Variants in UBE3C observed in about 807,000 individuals in gnomAD.
UBE3C encodes ubiquitin-protein ligase E3C.
Under a neutral mutation model 129.4 loss-of-function variants are expected in UBE3C, and 42 were observed. The ratio of observed to expected loss-of-function variants is 0.32; its 90% CI spans 0.25 to 0.42. UBE3C has a LOEUF of 0.42. UBE3C is among the 10% of genes least tolerant of loss of function. The pLI, the probability that UBE3C is intolerant of heterozygous loss-of-function variation, is 1.00. For missense variants in UBE3C, 1,049 were observed against 1,319.1 expected, an observed-to-expected ratio of 0.80 and a Z score of 3.17; for synonymous variants, 510 against 492.4, an observed-to-expected ratio of 1.04 and a Z score of -0.47.
chr7:157,144,939 T>G (rs1563025979), intron 1 of UBE3C, among the ~76,000 whole-genome samples: 1 of 152,222 alleles, frequency 6.6e-6, no homozygotes, highest in Admixed American at 6.5e-5. Context: ...TATGATGACA[T>G]GTATCTACCC....
At chr7:157,196,054 C>G (rs1039559494) in intron 10 of UBE3C, among the ~76,000 whole-genome samples, 5 of 152,114 alleles carry the variant, frequency 3.3e-5, no homozygotes, top group Admixed American at 6.5e-5. Context: ...CTAATTTAAT[C>G]ATGAGTCCTG....
chr7:157,263,631 A>G (rs1032543405), intron 22 of UBE3C, among the ~76,000 whole-genome samples: 2 of 150,372 alleles, frequency 1.3e-5, no homozygotes, highest in African/African-American at 2.5e-5. Context: ...GCCATTGTAC[A>G]CCAGCCTTGT....
At chr7:157,182,053 A>T (rs187299412) in intron 7 of UBE3C, 55 bp from the exon 8 acceptor site, 4 of 1,465,194 alleles carry the variant, frequency 2.7e-6, no homozygotes, top group Middle Eastern at 2.2e-4. Context: ...TTAATCAGTG[A>T]TTGGATGGAC....
intron 11 of UBE3C, among the ~76,000 whole-genome samples, chr7:157,204,931 TCCCACAGGCACGCAATTTGAAAA>T (rs1198772407): frequency 2.6e-5 from 4 of 152,184 alleles, no homozygotes; most frequent in Non-Finnish European, 5.9e-5. Flanking sequence ...GAGGAGTGGT[TCCCACAGGCACGCAATTTGAAAA>T]CCCTTGTTCT....
chr7:157,218,334 A>G (rs1795638369), intron 14 of UBE3C, among the ~76,000 whole-genome samples: 1 of 151,976 alleles, frequency 6.6e-6, no homozygotes, highest in Admixed American at 6.5e-5. Context: ...AGTCCCAGCT[A>G]CTTGGGACTG....
intron 2 of UBE3C, among the ~76,000 whole-genome samples, chr7:157,165,938 T>G (rs993448369): frequency 6.6e-6 from 1 of 152,222 alleles, no homozygotes; most frequent in African/African-American, 2.4e-5. Flanking sequence ...GCTGCTTTTC[T>G]TTTGATGCTT....
chr7:157,149,986 C>T (rs1807713892), intron 1 of UBE3C, among the ~76,000 whole-genome samples: 1 of 152,162 alleles, frequency 6.6e-6, no homozygotes, highest in South Asian at 2.1e-4. Flanking sequence ...CCATCACCTT[C>T]GATGGTGGTC....
chr7:157,168,431 A>G (rs1040877226), intron 2 of UBE3C, among the ~76,000 whole-genome samples: 4 of 152,098 alleles, frequency 2.6e-5, no homozygotes, highest in Admixed American at 6.6e-5. Flanking sequence ...TGATAACTCT[A>G]CTTCTAGGTT....
chr7:157,241,824 G>A (rs1208579229), intron 18 of UBE3C, among the ~76,000 whole-genome samples: 1 of 152,190 alleles, frequency 6.6e-6, no homozygotes, highest in Non-Finnish European at 1.5e-5. Flanking sequence ...GACTATTACT[G>A]GGCCGTAAAA....
chr7:157,267,870 C>G lies in UBE3C; in HGVS notation c.*115C>G. 1 of 838,650 alleles carries G rather than the reference C, an allele frequency of 1.2e-6. No individual in the cohort carries two copies. Among genetic ancestry groups the G allele is most frequent in the South Asian group, 2.4e-5 (1 of 41,402 alleles). 52.0% of individuals were successfully genotyped at this position (838,650 alleles called of 1,614,324 possible). A position where few individuals can be genotyped will look rare whatever the true frequency, so the allele number is the denominator to read the frequency against. On this transcript the variant is annotated 3_prime_UTR_variant, in exon 23 of 23. Transcript: ENST00000348165. ...CGCCTGAGGCTCTCCTAAGCTCCTTCTTTCATTCTGCCATTCCTCCCTCCC... is the reference window on the plus strand; with the variant it reads ...CGCCTGAGGCTCTCCTAAGCTCCTTGTTTCATTCTGCCATTCCTCCCTCCC...
intron 18 of UBE3C, among the ~76,000 whole-genome samples, chr7:157,234,505 G>GT (rs1796104700): frequency 6.6e-6 from 1 of 152,210 alleles, no homozygotes; most frequent in Non-Finnish European, 1.5e-5. Flanking sequence ...GCAGATGGGA[G>GT]TAGAACCGCA....
chr7:157,173,704 T>G (rs573579670), intron 4 of UBE3C, among the ~76,000 whole-genome samples: 1 of 152,230 alleles, frequency 6.6e-6, no homozygotes, highest in Non-Finnish European at 1.5e-5. Flanking sequence ...AGTCCTATTA[T>G]ATAATGTATA....
intron 1 of UBE3C, among the ~76,000 whole-genome samples, chr7:157,159,101 C>G (rs921219823): frequency 6.6e-6 from 1 of 152,194 alleles, no homozygotes; most frequent in East Asian, 1.9e-4. Flanking sequence ...GCACCCACTT[C>G]TCCTTCATCC....
In UBE3C at chr7:157,181,644, C is replaced by T. The variant is rs1281111978; in HGVS notation, c.743C>T (p.Thr248Ile). Residue 248 changes from threonine to isoleucine, a missense_variant, in exon 7 of 23, where the codon ACT (threonine) becomes ATT (isoleucine). Around this residue, in one of 4 missense-constraint regions of UBE3C, gnomAD observed 489 missense variants for 513.8 expected, o/e 0.95. Transcript: ENST00000348165. ...LENVLKPLHF[T>I]YNSCPEGARQ... ...AATGTTCTAAAACCATTGCACTTTA[C>T]TTACAACTCCTGTCCGGAAGGTGCG... 3 of 1,613,508 alleles carry T rather than the reference C, an allele frequency of 1.9e-6. No homozygotes were observed. Among genetic ancestry groups the T allele is most frequent in the Non-Finnish European group, 2.5e-6 (3 of 1,179,846 alleles).
intron 1 of UBE3C, among the ~76,000 whole-genome samples, chr7:157,159,335 A>AAAC (rs1400796568): frequency 4.6e-5 from 7 of 151,934 alleles, no homozygotes; most frequent in Admixed American, 3.9e-4. Flanking sequence ...AAAAAAAAAA[A>AAAC]ACAGAATTAG....
At chr7:157,201,896 C>T (rs1166354180) in intron 11 of UBE3C, 89 bp downstream of exon 11, 1 of 1,030,448 alleles carries the variant, frequency 9.7e-7, no homozygotes, top group Non-Finnish European at 1.5e-6. Context: ...GTTTTTAAGT[C>T]CTGTTTATAC....
Position 157,268,096 on chromosome 7 carries a change from C to G in UBE3C, c.*341C>G. ...TGGCTTTGCTGGTGAGATCAGAGCC[C>G]TCCTGAGCAGGCAGCGCCACTCCAG... On this transcript the variant is annotated 3_prime_UTR_variant, in exon 23 of 23. Coordinates refer to ENST00000348165, the MANE Select transcript of UBE3C (RefSeq NM_014671.3). The G allele has an allele frequency of 5.4e-6, 1 of 183,798 alleles. No individual in the cohort carries two copies. The highest frequency in any genetic ancestry group is 1.1e-5 in the Non-Finnish European group (1 of 89,536). 11.4% of individuals were successfully genotyped at this position (183,798 alleles called of 1,614,324 possible).
intron 18 of UBE3C, among the ~76,000 whole-genome samples, chr7:157,240,611 G>A (rs1329661577): frequency 6.6e-6 from 1 of 152,164 alleles, no homozygotes; most frequent in African/African-American, 2.4e-5. Flanking sequence ...ATAATAAAGG[G>A]TGAATTGGTT....
chr7:157,154,741 T>G (rs2116828031), intron 1 of UBE3C, among the ~76,000 whole-genome samples: 1 of 152,356 alleles, frequency 6.6e-6, no homozygotes, highest in Non-Finnish European at 1.5e-5. Context: ...CATTGGATAC[T>G]TCATTTTTTC....
Sources: gnomAD v4.1 joint callset for allele counts (sites outside exome capture counted in the v4.1 genomes callset) on GRCh38, gnomAD v4.1.1 for gene constraint, gnomAD v4.1.1 regional missense constraint, MANE v1.5 for transcripts, NCBI Gene and HGNC (gene_info 2026-07-23, HGNC 2026-07-21) for gene names.